ADD3: variants seen among roughly 807,000 people sequenced by gnomAD.
The protein encoded by ADD3 is gamma-adducin.
A neutral mutation model predicts 80.2 loss-of-function variants in ADD3; 25 were observed. That is an observed-to-expected ratio of 0.31 (90% CI 0.23 to 0.44). ADD3 has a LOEUF of 0.44. Among genes scored for constraint, ADD3 ranks in the 20% least tolerant of loss-of-function variants. The probability of loss-of-function intolerance (pLI) is 1.00; values close to 1 mark genes in which losing one functional copy is unlikely to be tolerated. For synonymous variants in ADD3, 284 were observed against 289.6 expected, an observed-to-expected ratio of 0.98 and a Z score of 0.20; for missense variants, 829 against 847.5, an observed-to-expected ratio of 0.98 and a Z score of 0.27.
At chr10:109,998,018 TC>T (rs1323771404) in intron 1 of ADD3, among the ~76,000 whole-genome samples, 2 of 152,364 alleles carry the variant, frequency 1.3e-5, no homozygotes, top group Non-Finnish European at 2.9e-5. Flanking sequence ...TGTTCTAGAC[TC>T]TAGACTGTAC....
intron 2 of ADD3, 73 bp from the exon 3 acceptor site, chr10:110,112,700 AGATT>A: frequency 6.7e-7 from 1 of 1,503,454 alleles, no homozygotes; most frequent in Non-Finnish European, 9.0e-7. Context: ...GATGGGGTAA[AGATT>A]GATTGTATCG....
intron 1 of ADD3, among the ~76,000 whole-genome samples, chr10:110,059,811 A>G (rs185765200): frequency 3.0e-4 from 46 of 152,288 alleles, no homozygotes; most frequent in African/African-American, 1.1e-3. Flanking sequence ...TACAAGTATG[A>G]ATTTCTCAAA....
At chr10:110,014,935 G>A (rs540446564) in intron 1 of ADD3, among the ~76,000 whole-genome samples, 9 of 151,656 alleles carry the variant, frequency 5.9e-5, no homozygotes, top group African/African-American at 1.9e-4. Context: ...GTGCAGTGGC[G>A]TGATCTCGGC....
chr10:110,119,952 A>G (rs1851249613), intron 8 of ADD3, among the ~76,000 whole-genome samples: 1 of 152,212 alleles, frequency 6.6e-6, no homozygotes, highest in South Asian at 2.1e-4. Context: ...CAGAAGTTAT[A>G]TGAAATTGCA....
At chr10:110,014,990 C>T (rs2133009589) in intron 1 of ADD3, among the ~76,000 whole-genome samples, 1 of 151,740 alleles carries the variant, frequency 6.6e-6, no homozygotes. Context: ...TCTGCTGCCT[C>T]AGCTTCCCGA....
At chr10:110,121,850 C>T (rs1851538363) in intron 8 of ADD3, 2 of 296,556 alleles carry the variant, frequency 6.7e-6, no homozygotes, top group East Asian at 1.1e-4. Context: ...AATTCCGTGG[C>T]TTAAAATATG....
intron 1 of ADD3, among the ~76,000 whole-genome samples, chr10:110,092,854 G>T (rs537616883): frequency 7.9e-5 from 12 of 151,966 alleles, no homozygotes; most frequent in Admixed American, 3.3e-4. Flanking sequence ...ATAGAGTTGT[G>T]AAGGATTTTT....
chr10:110,053,757 C>G (rs1378258457), intron 1 of ADD3, among the ~76,000 whole-genome samples: 1 of 152,170 alleles, frequency 6.6e-6, no homozygotes, highest in African/African-American at 2.4e-5. Flanking sequence ...GAACAGAAAA[C>G]TCCAATTCTC....
chr10:110,110,707 A>T (rs950815046), intron 2 of ADD3, among the ~76,000 whole-genome samples: 9 of 151,090 alleles, frequency 6.0e-5, no homozygotes, highest in South Asian at 2.1e-4. Flanking sequence ...TTTTTTTTTT[A>T]AAGTTCCTGG....
At chr10:110,107,371 T>A (rs1849506106) in intron 2 of ADD3, among the ~76,000 whole-genome samples, 1 of 152,154 alleles carries the variant, frequency 6.6e-6, no homozygotes, top group Admixed American at 6.5e-5. Context: ...TGGAAGTCAA[T>A]ACTTCCATTG....
intron 1 of ADD3, among the ~76,000 whole-genome samples, chr10:110,040,165 T>G (rs1329741550): frequency 6.6e-6 from 1 of 151,840 alleles, no homozygotes; most frequent in Non-Finnish European, 1.5e-5. Flanking sequence ...AGGTAAATCG[T>G]TAGGAAAGTT....
At chr10:110,038,601 C>T (rs926471842) in intron 1 of ADD3, among the ~76,000 whole-genome samples, 7 of 152,148 alleles carry the variant, frequency 4.6e-5, no homozygotes, top group African/African-American at 1.7e-4. Flanking sequence ...CTTTTAGCTG[C>T]TCTTTAAAAG....
intron 1 of ADD3, among the ~76,000 whole-genome samples, chr10:110,085,992 C>T (rs1846681089): frequency 1.3e-5 from 2 of 152,120 alleles, no homozygotes; most frequent in African/African-American, 4.8e-5. Flanking sequence ...GTAATCCCAG[C>T]TACTTGGACG....
intron 1 of ADD3, among the ~76,000 whole-genome samples, chr10:110,079,572 T>C (rs1436614756): frequency 1.3e-5 from 2 of 151,804 alleles, no homozygotes; most frequent in Non-Finnish European, 2.9e-5. Context: ...CCTTTTTTTT[T>C]TGAGACAGAG....
chr10:110,060,592 C>T (rs56730966), intron 1 of ADD3, among the ~76,000 whole-genome samples: 3,376 of 152,270 alleles, frequency 0.022, 131 homozygotes, highest in African/African-American at 0.073. Context: ...AGGACAACTT[C>T]GGGACATTTC....
intron 1 of ADD3, among the ~76,000 whole-genome samples, chr10:110,059,705 G>A (rs957317592): frequency 1.3e-5 from 2 of 152,130 alleles, no homozygotes; most frequent in African/African-American, 4.8e-5. Context: ...GGAGGCGGAG[G>A]TTGCAGTGAG....
intron 2 of ADD3, among the ~76,000 whole-genome samples, chr10:110,104,047 C>A (rs948762586): frequency 2.6e-5 from 4 of 152,192 alleles, no homozygotes; most frequent in Non-Finnish European, 4.4e-5. Flanking sequence ...AGATGATTGT[C>A]CTCAGGGTGT....
intron 1 of ADD3, among the ~76,000 whole-genome samples, chr10:109,998,551 C>T (rs1346505400): frequency 1.3e-5 from 2 of 152,192 alleles, no homozygotes; most frequent in Non-Finnish European, 2.9e-5. Context: ...AGACTGTAGC[C>T]TTCCTTTGCT....
chr10:110,037,199 A>T (rs1855762595), intron 1 of ADD3, among the ~76,000 whole-genome samples: 1 of 152,264 alleles, frequency 6.6e-6, no homozygotes, highest in African/African-American at 2.4e-5. Context: ...CCAGTTAAAC[A>T]CACATCAGTC....
Sources: allele counts gnomAD v4.1 joint callset (sites outside exome capture counted in the v4.1 genomes callset), GRCh38; gene constraint gnomAD v4.1.1; transcripts MANE v1.5; gene names NCBI Gene and HGNC (gene_info 2026-07-23, HGNC 2026-07-21).